The following RLF variants were observed in gnomAD, a reference collection of about 807,000 sequenced individuals.
RLF encodes RLF zinc finger.
RLF carries 7 observed loss-of-function variants against 162.9 expected under a neutral mutation model. The ratio of observed to expected loss-of-function variants is 0.04; its 90% confidence interval spans 0.02 to 0.08. RLF has a LOEUF of 0.08. RLF is among the 10% of genes least tolerant of loss of function. The pLI is 1.00. For synonymous variants in RLF, 782 were observed against 791.5 expected, an observed-to-expected ratio of 0.99 and a Z score of 0.20; for missense variants, 1,664 against 2,244.7, an observed-to-expected ratio of 0.74 and a Z score of 5.23.
chr1:40,237,969 A>C lies in RLF; in HGVS notation c.3267A>C (p.Pro1089=). 6.2e-7 allele frequency: 1 copy of C among 1,614,162 alleles called. No homozygotes were observed. Among genetic ancestry groups the C allele is most frequent in the Non-Finnish European group, 8.5e-7 (1 of 1,180,006 alleles). Reference sequence around the variant, plus strand: ...TCTCAGGGTCATTGCAGGGGTACCCATCCAGTGGTGCTAAGTCTCTTCAGT... The same window carrying C: ...TCTCAGGGTCATTGCAGGGGTACCCCTCCAGTGGTGCTAAGTCTCTTCAGT... ...GSFSGSLQGY[P]SSGAKSLQSV... is the part of the protein sequence containing the mutation. The change falls in exon 8 of 8, where the codon CCA becomes CCC. Residue 1089 remains proline (P), a synonymous_variant. Coordinates refer to ENST00000372771, the MANE Select transcript of RLF (RefSeq NM_012421.4). This position sits in a 1 kb window ranked among gnomAD's most constrained non-coding sequence, Gnocchi z 4.4.
intron 6 of RLF, 117 bp from the exon 7 acceptor site, chr1:40,231,400 C>T: frequency 1.3e-6 from 1 of 772,982 alleles, no homozygotes; most frequent in Non-Finnish European, 2.1e-6. Flanking sequence ...AGCTTTTAAT[C>T]TAGTTTTTGT....
At chr1:40,185,480 T>C (rs1404629496) in intron 1 of RLF, among the ~76,000 whole-genome samples, 2 of 109,666 alleles carry the variant, frequency 1.8e-5, no homozygotes, top group African/African-American at 3.4e-5. Flanking sequence ...CATCCTGTTA[T>C]TTGGATGGCT....
chr1:40,180,461 C>T (rs542884815), intron 1 of RLF, among the ~76,000 whole-genome samples: 4 of 152,182 alleles, frequency 2.6e-5, no homozygotes, highest in Admixed American at 6.5e-5. Flanking sequence ...AGGGTTTCAC[C>T]ATGTTGGCCA....
At position 40,237,812 on chromosome 1, in the gene RLF, G is replaced by A. The variant is rs751610382; in HGVS notation, c.3110G>A (p.Arg1037Gln). Residue 1037 changes from arginine (R) to glutamine (Q), a missense_variant, in exon 8 of 8, where the codon CGA (arginine) becomes CAA (glutamine). Arg to Gln is a conservative substitution (Grantham distance 43). This residue lies in a region of RLF where 295 missense variants were observed against 317.4 expected (regional missense o/e 0.93). Transcript: ENST00000372771. This position sits in a 1 kb window ranked among gnomAD's most constrained non-coding sequence, Gnocchi z 4.4. ...CACAATATTCACATTAAATGTAAACGAGAACATCAAGGTTATTCCTCAGAA... is the reference window on the plus strand; with the variant it reads ...CACAATATTCACATTAAATGTAAACAAGAACATCAAGGTTATTCCTCAGAA... The part of the protein sequence containing the change: ...LDHNIHIKCK[R>Q]EHQGYSSESS... The A allele has an allele frequency of 6.2e-6, 10 of 1,613,962 alleles. No homozygotes were observed. The highest frequency in any genetic ancestry group is 2.2e-5 in the East Asian group (1 of 44,898).
rs749822719 is a variant in RLF at position 40,202,439 on chromosome 1, C to A, written c.635C>A (p.Pro212His). The A allele has an allele frequency of 1.3e-6, 2 of 1,575,090 alleles. No individual in the cohort carries two copies. Among genetic ancestry groups the A allele is most frequent in the Non-Finnish European group, 1.7e-6 (2 of 1,167,912 alleles). Residue 212 changes from proline (P) to histidine (H), a missense_variant, in exon 5 of 8, where the codon CCT becomes CAT. By Grantham distance (77) the Pro-to-His change is moderately conservative. Coordinates refer to ENST00000372771, the MANE Select transcript of RLF (RefSeq NM_012421.4). Reference protein sequence around the residue: ...EVNKLIAQEGPSFLQMRIKHL... With the variant: ...EVNKLIAQEGHSFLQMRIKHL... Reference sequence around the variant, plus strand: ...AATAAATTGATTGCACAAGAAGGACCTTCCTTTCTGCAAATGCGAATAAAA... The same window carrying A: ...AATAAATTGATTGCACAAGAAGGACATTCCTTTCTGCAAATGCGAATAAAA...
At chr1:40,171,003 A>G (rs11801636) in intron 1 of RLF, among the ~76,000 whole-genome samples, 1,911 of 144,650 alleles carry the variant, frequency 0.013, 48 homozygotes, top group African/African-American at 0.048. Context: ...ATTTGATTTG[A>G]TAGTGTTTTT....
At chr1:40,202,670 T>G in intron 5 of RLF, 56 bp downstream of exon 5, 1 of 1,012,678 alleles carries the variant, frequency 9.9e-7, no homozygotes, top group Non-Finnish European at 1.4e-6. Flanking sequence ...GATTTATATA[T>G]ATATTGCATG....
intron 1 of RLF, among the ~76,000 whole-genome samples, chr1:40,169,455 A>G (rs922132288): frequency 2.6e-5 from 4 of 150,980 alleles, no homozygotes; most frequent in African/African-American, 9.7e-5. Context: ...TCTCTACTAA[A>G]AATACAAAAA....
intron 5 of RLF, among the ~76,000 whole-genome samples, chr1:40,209,585 G>T (rs369241179): frequency 3.3e-5 from 5 of 152,272 alleles, no homozygotes; most frequent in South Asian, 4.1e-4. Flanking sequence ...ATTTTTAAAA[G>T]CAGTCATATG....
At chr1:40,202,724 T>C (rs1642734249) in intron 5 of RLF, 110 bp downstream of exon 5, 1 of 629,808 alleles carries the variant, frequency 1.6e-6, no homozygotes, top group African/African-American at 2.0e-5. Flanking sequence ...TTCATTTTTT[T>C]CAGGCTACCA....
rs1642859423 is a variant in RLF at position 40,211,111 on chromosome 1, CAG to C, written c.810+8499_810+8500del. ...CAGTGGCAGAGGTGAGTAGTTGTAA[CAG>C]AAACTCTCTGGCCAGAAAAGCTAAA... On this transcript the variant is annotated intron_variant, in intron 5 of 7. Transcript: ENST00000372771. Among the ~76,000 whole-genome samples, 7 of 152,340 alleles carry C rather than the reference CAG, an allele frequency of 4.6e-5. No individual in the cohort carries two copies. The South Asian group carries it at 1.4e-3, about 32-fold the overall frequency.
chr1:40,177,469 A>G (rs543287034), intron 1 of RLF, among the ~76,000 whole-genome samples: 1 of 150,396 alleles, frequency 6.6e-6, no homozygotes, highest in South Asian at 2.1e-4. Flanking sequence ...TTTTTTTTGT[A>G]TTTTTAGTAG....
chr1:40,217,562 A>G (rs964512017), intron 5 of RLF, among the ~76,000 whole-genome samples: 1 of 152,176 alleles, frequency 6.6e-6, no homozygotes, highest in Non-Finnish European at 1.5e-5. Flanking sequence ...GCCTGAGGTC[A>G]GGAGTTCGAG....
chr1:40,161,972 C>A lies in RLF; in HGVS notation c.237+336C>A, dbSNP rs993636206. Among the ~76,000 whole-genome samples, 1 of 152,192 alleles carries A rather than the reference C, an allele frequency of 6.6e-6. No individual in the cohort carries two copies. The highest frequency in any genetic ancestry group is 2.4e-5 in the African/African-American group (1 of 41,446). On this transcript the variant is annotated intron_variant, in intron 1 of 7. Transcript: ENST00000372771. The surrounding 1 kb of genome is among the most constrained non-coding windows in gnomAD (Gnocchi z 4.4). ...CCCCCTGAGGGATTGATTGCTTGTC[C>A]CTGCCGGGAGATCCTTTTTTGAGTG...
intron 1 of RLF, among the ~76,000 whole-genome samples, chr1:40,169,846 C>T (rs1378359701): frequency 1.3e-5 from 2 of 151,580 alleles, no homozygotes; most frequent in Admixed American, 1.3e-4. Context: ...GTGCTCATCA[C>T]CACACCCGGC....
At chr1:40,212,325 G>A (rs769057768) in intron 5 of RLF, among the ~76,000 whole-genome samples, 1 of 152,152 alleles carries the variant, frequency 6.6e-6, no homozygotes, top group Non-Finnish European at 1.5e-5. Context: ...TCAGATATCT[G>A]GTAGGTCTGG....
chr1:40,182,125 G>A (rs1642411891), intron 1 of RLF, among the ~76,000 whole-genome samples: 1 of 151,978 alleles, frequency 6.6e-6, no homozygotes. Context: ...AAAATGTTCG[G>A]TTTAGGCATT....
In RLF at chr1:40,202,361, G is replaced by C. The variant is rs758085036; in HGVS notation, c.608-51G>C. ...CTCAAACTTTCATCTTAGCAAGTCT[G>C]ACATGTTATGTGGTATGTTGTCAAA... On this transcript the variant is annotated intron_variant, in intron 4 of 7. Coordinates refer to ENST00000372771, the MANE Select transcript of RLF (RefSeq NM_012421.4). The C allele has an allele frequency of 3.4e-6, 4 of 1,177,444 alleles. No homozygotes were observed. In the African/African-American group the frequency reaches 6.4e-5, roughly 19 times the overall value. The allele number at this position is 1,177,444 out of a possible 1,614,324, so 72.9% of individuals were successfully genotyped here.
At chr1:40,228,351 A>G (rs1643105790) in intron 6 of RLF, among the ~76,000 whole-genome samples, 1 of 151,522 alleles carries the variant, frequency 6.6e-6, no homozygotes, top group Non-Finnish European at 1.5e-5. Flanking sequence ...TGGGAGGGCA[A>G]GGTGGGCGGA....
Sources: allele counts gnomAD v4.1 joint callset (sites outside exome capture counted in the v4.1 genomes callset), GRCh38; gene constraint gnomAD v4.1.1; regional missense constraint gnomAD v4.1.1; non-coding constraint Gnocchi (gnomAD v3.1); transcripts MANE v1.5; gene names NCBI Gene and HGNC (gene_info 2026-07-23, HGNC 2026-07-21).